Variants in TMEM11 observed in about 807,000 individuals in gnomAD.
TMEM11 encodes transmembrane protein 11, also known as transmembrane protein 11, mitochondrial.
Under a neutral mutation model 17.0 loss-of-function variants are expected in TMEM11, and 1 was observed. The observed-to-expected ratio is 0.06, with a 90% CI of 0.02 to 0.28. The LOEUF (loss-of-function observed/expected upper bound fraction) is 0.28. Ranked by LOEUF, TMEM11 falls within the 10% of genes least tolerant of loss-of-function variation. The pLI, the probability that TMEM11 is intolerant of heterozygous loss-of-function variation, is 1.00. For synonymous variants in TMEM11, 122 were observed against 118.1 expected, an observed-to-expected ratio of 1.03 and a Z score of -0.21; for missense variants, 172 against 252.9, an observed-to-expected ratio of 0.68 and a Z score of 2.17.
chr17:21,204,509 TCAGGG>T (rs1377286060), intron 1 of TMEM11, among the ~76,000 whole-genome samples: 2 of 151,000 alleles, frequency 1.3e-5, no homozygotes, highest in Non-Finnish European at 1.5e-5. Context: ...GAAAGCAAGT[TCAGGG>T]GAAAAGGCAG....
intron 1 of TMEM11, among the ~76,000 whole-genome samples, chr17:21,199,095 C>T (rs576430285): frequency 4.6e-5 from 7 of 150,582 alleles, no homozygotes; most frequent in African/African-American, 9.7e-5. Context: ...GCCGGGGGGG[C>T]GGATCATGAG....
At chr17:21,207,281 G>A (rs1404930950) in intron 1 of TMEM11, among the ~76,000 whole-genome samples, 1 of 152,094 alleles carries the variant, frequency 6.6e-6, no homozygotes, top group Non-Finnish European at 1.5e-5. Context: ...TGTAATCCCA[G>A]CACTTTGGGA....
chr17:21,205,815 G>T (rs932529092), intron 1 of TMEM11, among the ~76,000 whole-genome samples: 2 of 151,550 alleles, frequency 1.3e-5, no homozygotes, highest in East Asian at 1.9e-4. Flanking sequence ...ATGCCCTTTT[G>T]TGTCTGGCTT....
At chr17:21,214,002 A>G (rs559547942) in intron 1 of TMEM11, 89 bp downstream of exon 1, 7 of 1,253,148 alleles carry the variant, frequency 5.6e-6, no homozygotes, top group Non-Finnish European at 1.1e-6. Flanking sequence ...AAACCAGGGA[A>G]GGAAGGCTGC....
chr17:21,199,009 A>G (rs1470605892), intron 1 of TMEM11, among the ~76,000 whole-genome samples, 169 bp from the exon 2 acceptor site: 1 of 152,154 alleles, frequency 6.6e-6, no homozygotes, highest in African/African-American at 2.4e-5. Flanking sequence ...ATAATCAGTA[A>G]AAAGGATTTT....
chr17:21,199,894 A>G (rs1384436815), intron 1 of TMEM11, among the ~76,000 whole-genome samples: 1 of 152,230 alleles, frequency 6.6e-6, no homozygotes, highest in Non-Finnish European at 1.5e-5. Flanking sequence ...CTCCAAATTT[A>G]GTAAGCAGGA....
At chr17:21,204,097 G>A (rs1974914680) in intron 1 of TMEM11, among the ~76,000 whole-genome samples, 1 of 134,400 alleles carries the variant, frequency 7.4e-6, no homozygotes, top group Non-Finnish European at 1.6e-5. Flanking sequence ...TGACCAGTAA[G>A]AGAGCAATTA....
chr17:21,206,443 G>A (rs1438450571), intron 1 of TMEM11, among the ~76,000 whole-genome samples: 8 of 152,062 alleles, frequency 5.3e-5, no homozygotes, highest in African/African-American at 9.7e-5. Flanking sequence ...GGCTGGTCTC[G>A]AACTCCTAAG....
intron 1 of TMEM11, 62 bp downstream of exon 1, chr17:21,214,029 C>T (rs1975034181): frequency 1.1e-5 from 17 of 1,509,020 alleles, no homozygotes; most frequent in Non-Finnish European, 1.4e-5. Flanking sequence ...CCTCGGAGGC[C>T]GCGCTGGGCT....
chr17:21,201,402 G>A, intron 1 of TMEM11, among the ~76,000 whole-genome samples: 1 of 152,244 alleles, frequency 6.6e-6, no homozygotes, highest in Non-Finnish European at 1.5e-5. Flanking sequence ...GGTGGGACAA[G>A]AGCCTCCTAA....
rs757039313 is a variant in TMEM11, at chr17:21,214,134, T to G, written c.19A>C (p.Arg7=). Reference sequence around the variant, plus strand: ...CCACTGCTGCCCGGGCCAAGACGCCTCCTTCCCCAAGCGGCCATCTTGGAG... The same window carrying G: ...CCACTGCTGCCCGGGCCAAGACGCCGCCTTCCCCAAGCGGCCATCTTGGAG... MAAWGR[R]RLGPGSSGGS... is the part of the protein sequence containing the mutation. The change falls in exon 1 of 2, where the codon AGG becomes CGG. Residue 7 remains arginine (R), a synonymous_variant. Transcript: ENST00000317635. The G allele has an allele frequency of 3.7e-6, 6 of 1,612,404 alleles. No individual in the cohort carries two copies. The highest frequency in any genetic ancestry group is 1.7e-4 in the Middle Eastern group (1 of 5,882).
intron 1 of TMEM11, among the ~76,000 whole-genome samples, chr17:21,199,093 G>GA (rs1377579058): frequency 1.3e-5 from 2 of 151,936 alleles, no homozygotes; most frequent in Non-Finnish European, 2.9e-5. Flanking sequence ...AGGCCGGGGG[G>GA]GCGGATCATG....
chr17:21,213,876 C>T, intron 1 of TMEM11: 3 of 571,882 alleles, frequency 5.2e-6, no homozygotes, highest in South Asian at 4.1e-5. Flanking sequence ...CTCAGCCCGG[C>T]TAACGCCCCT....
intron 1 of TMEM11, 149 bp downstream of exon 1, chr17:21,213,942 C>A (rs1213710978): frequency 2.6e-6 from 2 of 756,964 alleles, no homozygotes; most frequent in East Asian, 5.6e-5. Context: ...ATCCCGGATC[C>A]TCCGGAACTG....
intron 1 of TMEM11, among the ~76,000 whole-genome samples, chr17:21,205,491 A>G (rs1157791365): frequency 3.3e-5 from 5 of 152,160 alleles, no homozygotes; most frequent in African/African-American, 1.2e-4. Context: ...CTAGTTCTCT[A>G]TCGCGCTGGG....
Position 21,200,043 on chromosome 17 carries a change from T to C in TMEM11, c.63-1203A>G, listed in dbSNP as rs945266318. Among the ~76,000 whole-genome samples the C allele has an allele frequency of 1.3e-4, 20 of 151,782 alleles. 1 individual carries two copies. Among genetic ancestry groups the C allele is most frequent in the Admixed American group, 1.3e-4 (2 of 15,228 alleles). On this transcript the variant is annotated intron_variant, in intron 1 of 1. Transcript: ENST00000317635. ...GCCACGGAGACCACACAAGGGGCTTTCCCCCCCGGGACTGGGGATGCATGT... is the reference window on the plus strand; with the variant it reads ...GCCACGGAGACCACACAAGGGGCTTCCCCCCCCGGGACTGGGGATGCATGT...
chr17:21,199,424 G>A (rs750520333), intron 1 of TMEM11, among the ~76,000 whole-genome samples: 3 of 151,676 alleles, frequency 2.0e-5, no homozygotes, highest in Non-Finnish European at 2.9e-5. Context: ...CTAAGGCTGT[G>A]GACCAACTGA....
intron 1 of TMEM11, among the ~76,000 whole-genome samples, chr17:21,200,310 G>A (rs1358376131): frequency 2.0e-5 from 3 of 152,200 alleles, no homozygotes; most frequent in Non-Finnish European, 4.4e-5. Context: ...TCTTTCCTTG[G>A]CTGGTTTCAG....
intron 1 of TMEM11, 108 bp downstream of exon 1, chr17:21,213,983 A>C: frequency 1.9e-5 from 20 of 1,050,654 alleles, no homozygotes; most frequent in Admixed American, 2.5e-5. Flanking sequence ...GGGTAGGGGG[A>C]GCGCGGGGAA....
Sources: allele counts gnomAD v4.1 joint callset (sites outside exome capture counted in the v4.1 genomes callset), GRCh38; gene constraint gnomAD v4.1.1; transcripts MANE v1.5; gene names NCBI Gene and HGNC (gene_info 2026-07-23, HGNC 2026-07-21).